Variants in MSRA observed in about 807,000 individuals in gnomAD.
The protein encoded by MSRA is methionine sulfoxide reductase A, also known as mitochondrial peptide methionine sulfoxide reductase.
In MSRA, 54 loss-of-function variants were observed where a neutral mutation model predicts 31.3. That is an observed-to-expected ratio of 1.73 (90% CI 1.39 to 2.17). The LOEUF is 2.17. MSRA is among the 30% of genes most tolerant of loss of function. MSRA has a pLI of 0.00. For missense variants in MSRA, 507 were observed against 300.9 expected (o/e 1.69, Z -5.07); for synonymous variants, 169 against 116.5 (o/e 1.45, Z -2.90).
Position 10,428,505 on chromosome 8 carries a change from T to C in MSRA, c.*193T>C. On this transcript the variant is annotated 3_prime_UTR_variant, in exon 6 of 6. Coordinates refer to ENST00000317173, the MANE Select transcript of MSRA (RefSeq NM_012331.5). ...TGATAAAATGTGACTTATCTCCTAA[T>C]AAGTTATGGTGGGAGTGGAGCTGTG... The C allele has an allele frequency of 5.1e-6, 3 of 589,568 alleles. No individual in the cohort carries two copies. In the East Asian group the frequency reaches 9.5e-5, roughly 19 times the overall value. The allele number at this position is 589,568 out of a possible 1,614,324, so 36.5% of individuals were successfully genotyped here.
intron 1 of MSRA, among the ~76,000 whole-genome samples, chr8:10,151,511 G>T (rs770537574): frequency 2.0e-5 from 3 of 152,038 alleles, no homozygotes; most frequent in African/African-American, 7.2e-5. Context: ...TTAGCCGGGC[G>T]TGTTGGCAGG....
At chr8:10,263,279 C>T (rs1798574542) in intron 3 of MSRA, among the ~76,000 whole-genome samples, 1 of 152,214 alleles carries the variant, frequency 6.6e-6, no homozygotes, top group Non-Finnish European at 1.5e-5. Flanking sequence ...CCCAGTAACT[C>T]AGACTGTCTG....
intron 1 of MSRA, among the ~76,000 whole-genome samples, chr8:10,102,108 T>C (rs905353236): frequency 6.6e-6 from 1 of 152,218 alleles, no homozygotes; most frequent in Admixed American, 6.5e-5. Context: ...TTGTGCCTTT[T>C]TGTGGATTTC....
At chr8:10,376,453 G>A (rs1805761218) in intron 5 of MSRA, among the ~76,000 whole-genome samples, 1 of 152,182 alleles carries the variant, frequency 6.6e-6, no homozygotes, top group Non-Finnish European at 1.5e-5. Flanking sequence ...TATTATCTGG[G>A]CTTGGATCTT....
intron 5 of MSRA, chr8:10,353,745 C>T (rs1199236416): frequency 4.7e-6 from 2 of 423,486 alleles, no homozygotes; most frequent in African/African-American, 4.1e-5. Context: ...CTGAGATACC[C>T]AGCAGAGGAC....
chr8:10,301,405 ATCC>A (rs1800835934), intron 3 of MSRA, 126 bp from the exon 4 acceptor site: 1 of 666,244 alleles, frequency 1.5e-6, no homozygotes, highest in Non-Finnish European at 2.6e-6. Context: ...CTAAAGTCTA[ATCC>A]TCCTTCCATT....
chr8:10,168,666 A>G (rs941833615), intron 1 of MSRA, among the ~76,000 whole-genome samples: 1 of 152,162 alleles, frequency 6.6e-6, no homozygotes, highest in African/African-American at 2.4e-5. Flanking sequence ...TCACATAGCT[A>G]GTAAGTGACT....
At chr8:10,251,379 T>C (rs1797908357) in intron 3 of MSRA, among the ~76,000 whole-genome samples, 1 of 152,172 alleles carries the variant, frequency 6.6e-6, no homozygotes, top group Non-Finnish European at 1.5e-5. Context: ...AAGACTGCAT[T>C]AAATCTCTTT....
chr8:10,423,172 C>T (rs550142439), intron 5 of MSRA, among the ~76,000 whole-genome samples: 42 of 152,328 alleles, frequency 2.8e-4, no homozygotes, highest in African/African-American at 4.8e-4. Context: ...CACCAGGCTG[C>T]GCATTACCTG....
chr8:10,167,436 GGTTTGA>G (rs1271168586), intron 1 of MSRA, among the ~76,000 whole-genome samples: 2 of 152,190 alleles, frequency 1.3e-5, no homozygotes, highest in African/African-American at 4.8e-5. Context: ...AGATGTGTTT[GGTTTGA>G]GTATAGGGAA....
intron 5 of MSRA, among the ~76,000 whole-genome samples, chr8:10,361,132 C>A (rs944557307): frequency 6.6e-6 from 1 of 152,200 alleles, no homozygotes; most frequent in East Asian, 1.9e-4. Flanking sequence ...GCAGGGCCAC[C>A]CACTGAAACA....
At chr8:10,143,159 C>T (rs541398611) in intron 1 of MSRA, among the ~76,000 whole-genome samples, 14 of 152,260 alleles carry the variant, frequency 9.2e-5, no homozygotes, top group East Asian at 3.9e-4. Context: ...TTGGTTTGTC[C>T]TCTTCTTTCA....
At chr8:10,178,996 A>C (rs1450823162) in intron 1 of MSRA, among the ~76,000 whole-genome samples, 2 of 152,230 alleles carry the variant, frequency 1.3e-5, no homozygotes, top group East Asian at 3.9e-4. Flanking sequence ...TCATACCTGC[A>C]TGCAAATTTC....
chr8:10,217,292 A>G (rs531425220), intron 2 of MSRA, among the ~76,000 whole-genome samples: 1 of 152,266 alleles, frequency 6.6e-6, no homozygotes, highest in Admixed American at 6.5e-5. Flanking sequence ...AGCGGCGCGC[A>G]AGTCTCGTGG....
chr8:10,077,636 T>C (rs1798062079), intron 1 of MSRA, among the ~76,000 whole-genome samples: 1 of 152,102 alleles, frequency 6.6e-6, no homozygotes, highest in South Asian at 2.1e-4. Context: ...TTTTGTTTTT[T>C]ATTCCTAGTT....
chr8:10,386,424 A>G (rs1806395400), intron 5 of MSRA, among the ~76,000 whole-genome samples: 1 of 152,178 alleles, frequency 6.6e-6, no homozygotes, highest in Admixed American at 6.5e-5. Flanking sequence ...GAAGGTTTTT[A>G]TATGATGATG....
At chr8:10,136,342 T>C (rs1368089541) in intron 1 of MSRA, among the ~76,000 whole-genome samples, 3 of 152,168 alleles carry the variant, frequency 2.0e-5, no homozygotes, top group Non-Finnish European at 4.4e-5. Context: ...AGGCCTAACA[T>C]TGCCTTTCCT....
intron 5 of MSRA, 134 bp downstream of exon 5, chr8:10,320,123 G>C (rs542943246): frequency 8.5e-6 from 5 of 591,080 alleles, no homozygotes; most frequent in South Asian, 5.0e-5. Context: ...ATTTCTGTCA[G>C]CCTCTAGGAG....
At chr8:10,363,798 C>T (rs76849174) in intron 5 of MSRA, among the ~76,000 whole-genome samples, 5,042 of 76,390 alleles carry the variant, frequency 0.066, 142 homozygotes, top group Non-Finnish European at 0.1. Context: ...TGTTGTGGTG[C>T]GCACCCACCT....
Sources: gnomAD v4.1 joint callset for allele counts (sites outside exome capture counted in the v4.1 genomes callset) on GRCh38, gnomAD v4.1.1 for gene constraint, MANE v1.5 for transcripts, NCBI Gene and HGNC (gene_info 2026-07-23, HGNC 2026-07-21) for gene names.